The following DGKB variants were observed in gnomAD, a reference collection of about 807,000 sequenced individuals.
DGKB encodes 90 kDa diacylglycerol kinase.
DGKB carries 67 observed loss-of-function variants against 114.3 expected under a neutral mutation model. The ratio of observed to expected loss-of-function variants is 0.59; its 90% CI spans 0.48 to 0.72. DGKB has a LOEUF of 0.72. DGKB is among the 30% of genes least tolerant of loss of function. The probability of loss-of-function intolerance (pLI) is 0.00; values close to 1 mark genes in which losing one functional copy is unlikely to be tolerated. For synonymous variants in DGKB, 398 were observed against 323.1 expected (o/e 1.23, Z -2.49); for missense variants, 907 against 975.2 (o/e 0.93, Z 0.93).
At chr7:14,338,799 G>C in intron 22 of DGKB, 89 bp from the exon 23 acceptor site, 1 of 836,336 alleles carries the variant, frequency 1.2e-6, no homozygotes, top group Non-Finnish European at 1.7e-6. Context: ...CTTTTAATAA[G>C]TGCGTTGAAA....
At chr7:14,178,506 C>A (rs1295881952) in intron 23 of DGKB, among the ~76,000 whole-genome samples, 1 of 151,192 alleles carries the variant, frequency 6.6e-6, no homozygotes, top group Non-Finnish European at 1.5e-5. Flanking sequence ...CCACATCAGA[C>A]ATTTGGCAGC....
At chr7:14,649,422 A>G (rs1330266894) in intron 13 of DGKB, among the ~76,000 whole-genome samples, 2 of 150,232 alleles carry the variant, frequency 1.3e-5, no homozygotes, top group Non-Finnish European at 3.0e-5. Flanking sequence ...GAGAAATAAA[A>G]TACTTTACAG....
At chr7:14,942,362 C>T (rs2128255278) in intron 1 of DGKB, among the ~76,000 whole-genome samples, 1 of 152,066 alleles carries the variant, frequency 6.6e-6, no homozygotes, top group East Asian at 1.9e-4. Context: ...CAACAGGATA[C>T]ATCTTAATTT....
intron 1 of DGKB, among the ~76,000 whole-genome samples, chr7:14,888,399 TG>T (rs1780651971): frequency 6.6e-6 from 1 of 151,740 alleles, no homozygotes; most frequent in African/African-American, 2.4e-5. Flanking sequence ...TCTTCCTTAC[TG>T]GGCATCTTAA....
Position 14,148,998 on chromosome 7 carries a change from G to GTAACAAAAACTGTTAAACCACTTC in DGKB, c.*109_*132dup. On this transcript the variant is annotated 3_prime_UTR_variant, in exon 26 of 26. Transcript: ENST00000402815. ...AATAGCTGAATTTTACATTAGCTTAGTAACAAAAACTGTTAAACCACTTCC... is the reference window on the plus strand; with the variant it reads ...AATAGCTGAATTTTACATTAGCTTAGTAACAAAAACTGTTAAACCACTTCTAACAAAAACTGTTAAACCACTTCC... 5.3e-6 allele frequency: 4 copies of GTAACAAAAACTGTTAAACCACTTC among 751,222 alleles called. No individual in the cohort carries two copies. The highest frequency in any genetic ancestry group is 1.8e-5 in the African/African-American group (1 of 56,508). The allele number at this position is 751,222 out of a possible 1,614,324, so 46.5% of individuals were successfully genotyped here. A position where few individuals can be genotyped will look rare whatever the true frequency, so the allele number is the denominator to read the frequency against.
intron 23 of DGKB, among the ~76,000 whole-genome samples, chr7:14,179,666 G>A (rs973752855): frequency 6.6e-6 from 1 of 152,094 alleles, no homozygotes; most frequent in Non-Finnish European, 1.5e-5. Flanking sequence ...CAATCTCCAA[G>A]TTCGTTAAGC....
chr7:14,613,255 T>C (rs1167302232), intron 16 of DGKB, 85 bp downstream of exon 16: 2 of 740,362 alleles, frequency 2.7e-6, no homozygotes, highest in East Asian at 5.5e-5. Context: ...GAGGAATAAT[T>C]GTTTTTAAGC....
In DGKB at chr7:14,590,842, C is replaced by T. The variant is rs552834247; in HGVS notation, c.1434-7705G>A. Among the ~76,000 whole-genome samples the T allele has an allele frequency of 1.3e-4, 19 of 151,902 alleles. No homozygotes were observed. The South Asian group carries it at 3.1e-3, about 25-fold the overall frequency. On this transcript the variant is annotated intron_variant, in intron 17 of 25. Transcript: ENST00000402815. Reference sequence around the variant, plus strand: ...ATTACTGATTTAATTATATTTTTTTCTTTATTAAAAGTAGTATAGGTATGT... The same window carrying T: ...ATTACTGATTTAATTATATTTTTTTTTTTATTAAAAGTAGTATAGGTATGT...
At chr7:14,902,246 A>G (rs1272681961) in intron 1 of DGKB, among the ~76,000 whole-genome samples, 1 of 152,192 alleles carries the variant, frequency 6.6e-6, no homozygotes, top group African/African-American at 2.4e-5. Context: ...CCTCTTTATG[A>G]ATTACATTTT....
At chr7:14,484,100 T>C (rs565634675) in intron 20 of DGKB, among the ~76,000 whole-genome samples, 1 of 152,168 alleles carries the variant, frequency 6.6e-6, no homozygotes, top group South Asian at 2.1e-4. Context: ...CATGGTTATT[T>C]TGATCCTCTT....
intron 9 of DGKB, among the ~76,000 whole-genome samples, chr7:14,690,514 G>C (rs994007486): frequency 2.6e-5 from 4 of 152,216 alleles, no homozygotes; most frequent in African/African-American, 7.2e-5. Context: ...TGAGAAATGA[G>C]TGATAGAACA....
At chr7:14,310,159 GATAAAT>G (rs928972315) in intron 23 of DGKB, among the ~76,000 whole-genome samples, 1 of 152,104 alleles carries the variant, frequency 6.6e-6, no homozygotes, top group Non-Finnish European at 1.5e-5. Flanking sequence ...AATCCCGCAA[GATAAAT>G]ATAATCCAAA....
At chr7:14,621,579 T>C in intron 14 of DGKB, 85 bp from the exon 15 acceptor site, 1 of 792,480 alleles carries the variant, frequency 1.3e-6, no homozygotes. Flanking sequence ...ATAGAAGAGT[T>C]TCATGGTTAC....
At chr7:14,803,162 G>C (rs1324871728) in intron 2 of DGKB, among the ~76,000 whole-genome samples, 1 of 151,534 alleles carries the variant, frequency 6.6e-6, no homozygotes, top group Admixed American at 6.6e-5. Flanking sequence ...GGCTGGTCTT[G>C]AACTCCTGGC....
chr7:14,358,715 G>A (rs1190412313), intron 21 of DGKB, among the ~76,000 whole-genome samples: 1 of 152,022 alleles, frequency 6.6e-6, no homozygotes, highest in Non-Finnish European at 1.5e-5. Context: ...GCTACAAAGA[G>A]AATAAAATGC....
At chr7:14,964,064 G>C (rs183630402) in intron 1 of DGKB, among the ~76,000 whole-genome samples, 2 of 152,036 alleles carry the variant, frequency 1.3e-5, no homozygotes, top group African/African-American at 2.4e-5. Flanking sequence ...AATAGGGAGA[G>C]GTTTTACTTT....
intron 2 of DGKB, among the ~76,000 whole-genome samples, chr7:14,825,016 G>GTGTATATATATATATATA (rs1480765381): frequency 3.2e-5 from 3 of 92,382 alleles, no homozygotes; most frequent in Non-Finnish European, 7.1e-5. Flanking sequence ...GTATGTGTAT[G>GTGTATATATATATATATA]TATATATATA....
intron 21 of DGKB, among the ~76,000 whole-genome samples, chr7:14,392,995 G>GTTTTGTTTTGTTTTTTTTT (rs1554404749): frequency 3.3e-5 from 2 of 60,546 alleles, no homozygotes; most frequent in Admixed American, 4.6e-4. Context: ...TTTTGTTTTT[G>GTTTTGTTTTGTTTTTTTTT]TTTTTTTTTT....
chr7:14,349,709 G>A (rs190345462), intron 21 of DGKB, among the ~76,000 whole-genome samples: 7 of 152,160 alleles, frequency 4.6e-5, no homozygotes, highest in African/African-American at 1.7e-4. Context: ...ACAAATTGAA[G>A]GCTGTTAAAT....
Sources: allele counts gnomAD v4.1 joint callset (sites outside exome capture counted in the v4.1 genomes callset), GRCh38; gene constraint gnomAD v4.1.1; transcripts MANE v1.5; gene names NCBI Gene and HGNC (gene_info 2026-07-23, HGNC 2026-07-21).